KIF13B: variants seen among roughly 807,000 people sequenced by gnomAD.
KIF13B encodes the protein kinesin-like protein KIF13B.
Under a neutral mutation model 222.0 loss-of-function variants are expected in KIF13B, and 127 were observed. That is an observed-to-expected ratio of 0.57 (90% CI 0.50 to 0.66). KIF13B has a LOEUF of 0.66. KIF13B is among the 30% of genes least tolerant of loss of function. KIF13B has a pLI of 0.00. For missense variants in KIF13B, 2,173 were observed against 2,379.0 expected, an observed-to-expected ratio of 0.91 and a Z score of 1.80; for synonymous variants, 976 against 919.0, an observed-to-expected ratio of 1.06 and a Z score of -1.12.
Position 29,245,390 on chromosome 8 carries a change from A to G in KIF13B, c.105T>C (p.Val35=), listed in dbSNP as rs780051934. The G allele has an allele frequency of 8.7e-6, 14 of 1,603,786 alleles. No individual in the cohort carries two copies. The highest frequency in any genetic ancestry group is 1.2e-5 in the Non-Finnish European group (14 of 1,174,578). Residue 35 remains valine (V), a synonymous_variant, in exon 2 of 40, where the codon GTT becomes GTC. Coordinates refer to ENST00000524189, the MANE Select transcript of KIF13B (RefSeq NM_015254.4). ...KCVVDVDANK[V]ILNPVNTNLS... is the part of the protein sequence containing the mutation. The stretch of plus-strand genomic sequence containing the variant: ...GATTCGTATTTACAGGATTAAGAAT[A>G]ACCTTGTTTGCATCCACATCCACCA...
intron 18 of KIF13B, among the ~76,000 whole-genome samples, chr8:29,143,081 T>C (rs1810892241): frequency 1.3e-5 from 2 of 152,146 alleles, no homozygotes; most frequent in South Asian, 4.1e-4. Context: ...TTGGAACTCC[T>C]GGCCTCAAGT....
intron 6 of KIF13B, among the ~76,000 whole-genome samples, chr8:29,185,829 T>A (rs1812900006): frequency 6.6e-6 from 1 of 152,232 alleles, no homozygotes; most frequent in Non-Finnish European, 1.5e-5. Context: ...CGAAAAACTC[T>A]GTGGAATGAA....
chr8:29,076,966 C>A (rs1807591265), intron 37 of KIF13B, among the ~76,000 whole-genome samples: 1 of 152,022 alleles, frequency 6.6e-6, no homozygotes, highest in Admixed American at 6.6e-5. Flanking sequence ...CAAAGCAAGA[C>A]CCTGTGTCAA....
At chr8:29,224,812 T>C (rs547266143) in intron 2 of KIF13B, among the ~76,000 whole-genome samples, 7 of 152,340 alleles carry the variant, frequency 4.6e-5, no homozygotes, top group Admixed American at 2.0e-4. Context: ...TATGTGTGGA[T>C]TAAAACTAAT....
chr8:29,079,970 A>T (rs1370621787), intron 37 of KIF13B, among the ~76,000 whole-genome samples: 1 of 152,212 alleles, frequency 6.6e-6, no homozygotes, highest in Non-Finnish European at 1.5e-5. Flanking sequence ...GAGAAACAAA[A>T]GGAAGCAGAG....
At chr8:29,254,593 C>T (rs1816403906) in intron 1 of KIF13B, among the ~76,000 whole-genome samples, 1 of 152,156 alleles carries the variant, frequency 6.6e-6, no homozygotes. Flanking sequence ...AAATCTAAAC[C>T]ACAATCAGAT....
At chr8:29,088,143 G>A (rs1808129962) in intron 37 of KIF13B, among the ~76,000 whole-genome samples, 1 of 151,874 alleles carries the variant, frequency 6.6e-6, no homozygotes, top group Non-Finnish European at 1.5e-5. Flanking sequence ...GCGGGCGCCT[G>A]TAATCCCAGC....
intron 22 of KIF13B, 35 bp downstream of exon 22, chr8:29,134,005 T>C (rs777728783): frequency 3.1e-6 from 5 of 1,591,254 alleles, no homozygotes; most frequent in Non-Finnish European, 4.3e-6. Flanking sequence ...ACATGAGTAA[T>C]CTAAATGCTG....
At chr8:29,205,875 G>T (rs1813907945) in intron 2 of KIF13B, among the ~76,000 whole-genome samples, 1 of 151,570 alleles carries the variant, frequency 6.6e-6, no homozygotes, top group South Asian at 2.1e-4. Flanking sequence ...TTGATCCCAG[G>T]AGTTCAAGAC....
intron 34 of KIF13B, among the ~76,000 whole-genome samples, 183 bp from the exon 35 acceptor site, chr8:29,108,375 G>T (rs1042523609): frequency 6.6e-6 from 1 of 152,220 alleles, no homozygotes; most frequent in African/African-American, 2.4e-5. Context: ...AATTGGTTAT[G>T]AACAATTTTC....
At chr8:29,145,154 C>T in intron 18 of KIF13B, among the ~76,000 whole-genome samples, 1 of 152,162 alleles carries the variant, frequency 6.6e-6, no homozygotes, top group Non-Finnish European at 1.5e-5. Flanking sequence ...CCTACAAATA[C>T]TAGTGTTCTA....
intron 18 of KIF13B, chr8:29,146,144 T>C (rs1411331448): frequency 6.7e-6 from 4 of 593,152 alleles, no homozygotes; most frequent in Non-Finnish European, 1.2e-5. Flanking sequence ...TTGAGTGAAA[T>C]GAACTGTCAG....
intron 1 of KIF13B, among the ~76,000 whole-genome samples, chr8:29,255,472 G>A (rs937129831): frequency 1.3e-5 from 2 of 151,720 alleles, no homozygotes; most frequent in African/African-American, 4.8e-5. Context: ...GAAATTCCTG[G>A]GCTTTCCCAT....
chr8:29,165,010 G>A (rs868587903), intron 12 of KIF13B, among the ~76,000 whole-genome samples: 1 of 152,136 alleles, frequency 6.6e-6, no homozygotes, highest in African/African-American at 2.4e-5. Flanking sequence ...ACCACGCCTA[G>A]CTAATTTTTG....
chr8:29,152,745 G>A (rs958910350), intron 14 of KIF13B, among the ~76,000 whole-genome samples: 1 of 152,104 alleles, frequency 6.6e-6, no homozygotes, highest in African/African-American at 2.4e-5. Context: ...TCGAGTAGCT[G>A]GGATTATTGG....
chr8:29,250,073 T>C (rs1168617861), intron 1 of KIF13B: 1 of 1,286,566 alleles, frequency 7.8e-7, no homozygotes, highest in African/African-American at 1.5e-5. Context: ...AGCTGGCTCC[T>C]TACAGTCAAA....
rs552521162 is a variant in KIF13B at position 29,167,365 on chromosome 8, C to T, written c.1158+8G>A. 18 of 1,609,572 alleles carry T rather than the reference C, an allele frequency of 1.1e-5. No homozygotes were observed. The East Asian group carries it at 3.8e-4, about 34-fold the overall frequency. On this transcript the variant is annotated splice_region_variant and intron_variant, in intron 11 of 39. Transcript: ENST00000524189. ...GACTCACAGGGCGCACGCGGTGGTG[C>T]CTCCTACCTCTGCTTTGGTCAGCTG...
At position 29,113,537 on chromosome 8, in the gene KIF13B, G is replaced by C. The variant is rs760077366; in HGVS notation, c.3856C>G (p.Leu1286Val). 4.4e-6 allele frequency: 7 copies of C among 1,584,842 alleles called. No individual in the cohort carries two copies. In the South Asian group the frequency reaches 8.1e-5, roughly 18 times the overall value. The change falls in exon 32 of 40, where the codon CTA becomes GTA. Residue 1286 changes from leucine to valine, a missense_variant. Physicochemically the swap from Leu to Val is conservative, Grantham distance 32. Around this residue, in one of 2 missense-constraint regions of KIF13B, gnomAD observed 1,480 missense variants for 1,722.8 expected, o/e 0.86. Coordinates refer to ENST00000524189, the MANE Select transcript of KIF13B (RefSeq NM_015254.4). ...GAACTTCGATGAGACATCTTTTTTA[G>C]GAGACTCTGTGCAAAACCCTAGAGA... Reference protein sequence around the residue: ...HGRQGFAQSLLKKMSHRSSIP... With the variant: ...HGRQGFAQSLVKKMSHRSSIP...
At chr8:29,167,322 G>C in intron 11 of KIF13B, 51 bp downstream of exon 11, 1 of 1,462,494 alleles carries the variant, frequency 6.8e-7, no homozygotes, top group Non-Finnish European at 9.5e-7. Flanking sequence ...TCAAGCTCTA[G>C]GCTGATTCCT....
Sources: gnomAD v4.1 joint callset for allele counts (sites outside exome capture counted in the v4.1 genomes callset) on GRCh38, gnomAD v4.1.1 for gene constraint, gnomAD v4.1.1 regional missense constraint, MANE v1.5 for transcripts, NCBI Gene and HGNC (gene_info 2026-07-23, HGNC 2026-07-21) for gene names.